ANKFN1: variants seen among roughly 807,000 people sequenced by gnomAD.
ANKFN1 encodes the protein ankyrin repeat and fibronectin type-III domain-containing protein 1.
A neutral mutation model predicts 108.7 loss-of-function variants in ANKFN1; 74 were observed. The observed-to-expected ratio is 0.68, with a 90% CI of 0.56 to 0.83. ANKFN1 has a LOEUF of 0.83. Ranked by LOEUF, ANKFN1 falls within the 40% of genes least tolerant of loss-of-function variation. ANKFN1 has a pLI of 0.00. For synonymous variants in ANKFN1, 547 were observed against 516.2 expected (o/e 1.06, Z -0.81); for missense variants, 1,505 against 1,382.3 (o/e 1.09, Z -1.41).
chr17:56,071,116 TCTGA>T (rs1390328520), intron 4 of ANKFN1, among the ~76,000 whole-genome samples: 1 of 152,162 alleles, frequency 6.6e-6, no homozygotes, highest in Non-Finnish European at 1.5e-5. Context: ...CAAGCTTCTC[TCTGA>T]CTGATTCTAT....
intron 3 of ANKFN1, among the ~76,000 whole-genome samples, chr17:56,253,056 T>C (rs2043274274): frequency 1.3e-5 from 2 of 152,172 alleles, no homozygotes; most frequent in Non-Finnish European, 2.9e-5. Context: ...AGCGAGACCT[T>C]GTCTTCAAAT....
At chr17:56,247,647 A>C (rs1007073896) in intron 3 of ANKFN1, among the ~76,000 whole-genome samples, 18 of 152,206 alleles carry the variant, frequency 1.2e-4, no homozygotes, top group African/African-American at 3.9e-4. Flanking sequence ...AAGGTCAAAG[A>C]GGAATCATTT....
chr17:56,401,521 T>G (rs1463303486), intron 8 of ANKFN1, among the ~76,000 whole-genome samples: 1 of 152,116 alleles, frequency 6.6e-6, no homozygotes, highest in Admixed American at 6.6e-5. Context: ...TACTGATTTG[T>G]GTACATTAAT....
chr17:56,168,256 C>CAAAAAAAA (rs763624819), intron 1 of ANKFN1, among the ~76,000 whole-genome samples: 1 of 60,214 alleles, frequency 1.7e-5, no homozygotes, highest in Non-Finnish European at 3.9e-5. Context: ...GACTCTGTCA[C>CAAAAAAAA]AAAAAAAAAA....
chr17:56,460,588 A>C (rs556136053), intron 14 of ANKFN1, among the ~76,000 whole-genome samples: 1 of 152,238 alleles, frequency 6.6e-6, no homozygotes, highest in African/African-American at 2.4e-5. Flanking sequence ...CAAGGAAAAA[A>C]ATGGAAATTA....
chr17:56,484,156 A>G (rs940422698), intron 18 of ANKFN1, among the ~76,000 whole-genome samples: 7 of 152,182 alleles, frequency 4.6e-5, no homozygotes, highest in African/African-American at 1.7e-4. Flanking sequence ...AAGAATCGGG[A>G]AGAGAACAAG....
chr17:56,457,059 A>G lies in ANKFN1; in HGVS notation c.1307+99A>G, dbSNP rs113816356. ...TTGGTAGAAATTTTTTTGTGTTCAA[A>G]ACAATAAAATTCACTTTTCTCCTGA... On this transcript the variant is annotated intron_variant, in intron 12 of 20. Transcript: ENST00000682825. 1,175 of 1,269,716 alleles carry G rather than the reference A, an allele frequency of 9.3e-4. 6 individuals carry two copies. Among genetic ancestry groups the G allele is most frequent in the African/African-American group, 8.9e-3 (588 of 66,052 alleles). 78.7% of individuals were successfully genotyped at this position (1,269,716 alleles called of 1,614,324 possible). A position where few individuals can be genotyped will look rare whatever the true frequency, so the allele number is the denominator to read the frequency against.
At chr17:56,204,891 C>T (rs569172043) in intron 1 of ANKFN1, among the ~76,000 whole-genome samples, 7 of 151,966 alleles carry the variant, frequency 4.6e-5, no homozygotes, top group East Asian at 2.0e-4. Context: ...CTGGCTAACA[C>T]GGTGAAACCC....
intron 1 of ANKFN1, among the ~76,000 whole-genome samples, chr17:56,190,288 C>T (rs547513436): frequency 7.4e-6 from 1 of 135,896 alleles, no homozygotes; most frequent in Non-Finnish European, 1.5e-5. Context: ...TTTTCTAGTT[C>T]TTCTAATTGT....
At chr17:56,299,953 C>T (rs2044626290) in intron 3 of ANKFN1, among the ~76,000 whole-genome samples, 1 of 152,214 alleles carries the variant, frequency 6.6e-6, no homozygotes, top group South Asian at 2.1e-4. Context: ...TTATACTTGT[C>T]ATCTGTCTAC....
intron 4 of ANKFN1, among the ~76,000 whole-genome samples, chr17:56,062,412 C>T (rs899445836): frequency 2.0e-5 from 3 of 152,134 alleles, no homozygotes; most frequent in Admixed American, 1.3e-4. Context: ...ACTCTGGGTG[C>T]TCCTGTATTA....
chr17:56,069,654 G>T (rs1445803178), intron 4 of ANKFN1, among the ~76,000 whole-genome samples: 1 of 152,072 alleles, frequency 6.6e-6, no homozygotes, highest in Admixed American at 6.6e-5. Context: ...ATTCTCCCAC[G>T]ATCTAAAGGC....
chr17:56,259,105 A>G (rs1487631399), intron 3 of ANKFN1, among the ~76,000 whole-genome samples: 1 of 152,114 alleles, frequency 6.6e-6, no homozygotes, highest in Non-Finnish European at 1.5e-5. Flanking sequence ...TATAGGTACT[A>G]TTATCTCCAT....
intron 20 of ANKFN1, among the ~76,000 whole-genome samples, chr17:56,508,617 T>C (rs149596677): frequency 1.3e-5 from 2 of 152,320 alleles, no homozygotes; most frequent in African/African-American, 4.8e-5. Context: ...CATAAATTAA[T>C]ACAGACATAG....
At chr17:56,245,521 T>C (rs566112966) in intron 3 of ANKFN1, among the ~76,000 whole-genome samples, 92 of 152,246 alleles carry the variant, frequency 6.0e-4, no homozygotes, top group Middle Eastern at 3.4e-3. Flanking sequence ...CCTTACATGC[T>C]AACTTTAAAC....
intron 4 of ANKFN1, among the ~76,000 whole-genome samples, chr17:56,145,091 G>T (rs1352212388): frequency 6.6e-6 from 1 of 152,188 alleles, no homozygotes; most frequent in Non-Finnish European, 1.5e-5. Context: ...CAGAAACACT[G>T]CCCACACAAA....
chr17:56,484,904 A>G (rs2050812041), intron 18 of ANKFN1, among the ~76,000 whole-genome samples: 2 of 152,198 alleles, frequency 1.3e-5, no homozygotes, highest in Admixed American at 6.5e-5. Context: ...ATCAATCGTT[A>G]TAATATACGT....
At chr17:56,409,470 T>G (rs1323802203) in intron 8 of ANKFN1, among the ~76,000 whole-genome samples, 2 of 152,208 alleles carry the variant, frequency 1.3e-5, no homozygotes, top group Non-Finnish European at 2.9e-5. Flanking sequence ...GCTAGTGGCC[T>G]CAGAGCCTAA....
At position 56,515,495 on chromosome 17, in the gene ANKFN1, GA is replaced by G. The variant is rs982036829; in HGVS notation, c.*4233del. Among the ~76,000 whole-genome samples, 6 of 152,148 alleles carry G rather than the reference GA, an allele frequency of 3.9e-5. No individual in the cohort carries two copies. Among genetic ancestry groups the G allele is most frequent in the East Asian group, 1.9e-4 (1 of 5,174 alleles). The stretch of plus-strand genomic sequence containing the variant: ...CTTCATAGGTAATAGGGTGAGCAAG[GA>G]AAAAAACTGTTTTCTTTGCTGGTCA... On this transcript the variant is annotated 3_prime_UTR_variant, in exon 21 of 21. Coordinates refer to ENST00000682825, the MANE Select transcript of ANKFN1 (RefSeq NM_001370326.1).
Sources: allele counts gnomAD v4.1 joint callset (sites outside exome capture counted in the v4.1 genomes callset), GRCh38; gene constraint gnomAD v4.1.1; transcripts MANE v1.5; gene names NCBI Gene and HGNC (gene_info 2026-07-23, HGNC 2026-07-21).